The following SMC6 variants were observed in gnomAD, a reference collection of about 807,000 sequenced individuals.
SMC6 encodes structural maintenance of chromosomes protein 6.
SMC6 carries 79 observed loss-of-function variants against 142.2 expected under a neutral mutation model. The ratio of observed to expected loss-of-function variants is 0.56; its 90% CI spans 0.46 to 0.67. SMC6 has a LOEUF of 0.67. Among genes scored for constraint, SMC6 ranks in the 30% least tolerant of loss-of-function variants. The pLI, the probability that SMC6 is intolerant of heterozygous loss-of-function variation, is 0.00. For synonymous variants in SMC6, 411 were observed against 412.4 expected, an observed-to-expected ratio of 1.00 and a Z score of 0.04; for missense variants, 1,072 against 1,284.0, an observed-to-expected ratio of 0.83 and a Z score of 2.52.
intron 26 of SMC6, among the ~76,000 whole-genome samples, chr2:17,668,643 A>G (rs1666614345): frequency 6.6e-6 from 1 of 152,192 alleles, no homozygotes; most frequent in African/African-American, 2.4e-5. Context: ...AAGTTCTGAG[A>G]AGTTCCTCAT....
intron 5 of SMC6, among the ~76,000 whole-genome samples, chr2:17,732,865 G>A (rs1302981907): frequency 1.3e-5 from 2 of 151,918 alleles, no homozygotes; most frequent in African/African-American, 2.4e-5. Flanking sequence ...AAGTTTTAAA[G>A]ATGTTTTAGG....
At chr2:17,691,233 TACACACACACAC>T (rs138226968) in intron 23 of SMC6, among the ~76,000 whole-genome samples, 34 of 123,278 alleles carry the variant, frequency 2.8e-4, no homozygotes, top group African/African-American at 9.5e-4. Context: ...AAAATGTGTA[TACACACACACAC>T]ACACACACAC....
At chr2:17,731,701 C>T in intron 6 of SMC6, 40 bp downstream of exon 6, 1 of 1,578,086 alleles carries the variant, frequency 6.3e-7, no homozygotes, top group Non-Finnish European at 8.7e-7. Flanking sequence ...TGAGTATTTC[C>T]TAATATTTTA....
At position 17,707,480 on chromosome 2, in the gene SMC6, T is replaced by A. The variant is rs1459476628; in HGVS notation, c.1846-101A>T. The A allele has an allele frequency of 9.6e-6, 6 of 623,390 alleles. No homozygotes were observed. The African/African-American group carries it at 1.1e-4, about 12-fold the overall frequency. 38.6% of individuals were successfully genotyped at this position (623,390 alleles called of 1,614,324 possible). ...CTCGTCCTTATTATTTTAATATGAT[T>A]CAAGTATTCTTTTTAAAACATTCAA... On this transcript the variant is annotated intron_variant, in intron 17 of 27. Transcript: ENST00000448223.
chr2:17,674,407 T>G (rs1213391590), intron 25 of SMC6, among the ~76,000 whole-genome samples: 2 of 152,218 alleles, frequency 1.3e-5, no homozygotes, highest in Admixed American at 6.5e-5. Context: ...TTACAATATA[T>G]TCTGTATGAC....
At position 17,718,207 on chromosome 2, in the gene SMC6, G is replaced by A. The variant is rs1486275118; in HGVS notation, c.962C>T (p.Ala321Val). 1.3e-6 allele frequency: 2 copies of A among 1,599,412 alleles called. No individual in the cohort carries two copies. The highest frequency in any genetic ancestry group is 1.3e-5 in the African/African-American group (1 of 74,580). Residue 321 changes from alanine (A) to valine (V), a missense_variant, in exon 12 of 28, where the codon GCA (alanine) becomes GTA (valine). Around this residue, in one of 3 missense-constraint regions of SMC6, gnomAD observed 994 missense variants for 1,153.2 expected, o/e 0.86. Coordinates refer to ENST00000448223, the MANE Select transcript of SMC6 (RefSeq NM_001142286.2). Reference sequence around the variant, plus strand: ...TTGAATATCCTTGTACTTTTGTTCTGCCTCATTAAGTCTGACCTTTAAGAA... The same window carrying A: ...TTGAATATCCTTGTACTTTTGTTCTACCTCATTAAGTCTGACCTTTAAGAA... ...MEEQQVRLNEAEQKYKDIQDK... is the reference protein window; with the variant it reads ...MEEQQVRLNEVEQKYKDIQDK...
chr2:17,728,337 A>G (rs1669733990), intron 7 of SMC6, among the ~76,000 whole-genome samples: 1 of 152,162 alleles, frequency 6.6e-6, no homozygotes, highest in Admixed American at 6.5e-5. Context: ...CAGGAGGCTG[A>G]GGTGGAGGAT....
chr2:17,691,257 C>CAA (rs1446969295), intron 23 of SMC6, among the ~76,000 whole-genome samples: 1 of 140,224 alleles, frequency 7.1e-6, no homozygotes, highest in East Asian at 2.3e-4. Flanking sequence ...CACACACACA[C>CAA]ACACCAGAAT....
At chr2:17,705,628 T>C (rs1668471110) in intron 18 of SMC6, among the ~76,000 whole-genome samples, 1 of 152,116 alleles carries the variant, frequency 6.6e-6, no homozygotes, top group Non-Finnish European at 1.5e-5. Context: ...AAGCCAAAAA[T>C]GAAAACCAAC....
intron 27 of SMC6, among the ~76,000 whole-genome samples, chr2:17,666,077 G>C (rs1666482657): frequency 6.6e-6 from 1 of 152,170 alleles, no homozygotes; most frequent in South Asian, 2.1e-4. Flanking sequence ...ACATTTGTAA[G>C]TCACCAAGAG....
intron 24 of SMC6, among the ~76,000 whole-genome samples, chr2:17,682,371 C>A (rs1667273637): frequency 6.6e-6 from 1 of 152,178 alleles, no homozygotes; most frequent in Non-Finnish European, 1.5e-5. Context: ...CAATGCCCCA[C>A]ACTGCTCTTC....
intron 2 of SMC6, among the ~76,000 whole-genome samples, chr2:17,747,151 C>T (rs1005826598): frequency 6.6e-6 from 1 of 152,142 alleles, no homozygotes; most frequent in Non-Finnish European, 1.5e-5. Context: ...TCCACCCATA[C>T]AGGAAGTAAT....
In SMC6 at chr2:17,703,159, T is replaced by G; in HGVS notation, c.2140A>C (p.Lys714Gln). The change falls in exon 19 of 28, where the codon AAG becomes CAG. Residue 714 changes from lysine to glutamine, a missense_variant and splice_region_variant. Lys to Gln is a moderately conservative substitution (Grantham distance 53). This residue lies in a region of SMC6 where 994 missense variants were observed against 1,153.2 expected (regional missense o/e 0.86). Transcript: ENST00000448223. ...GTTTATTATTATTATTTTTTTACCT[T>G]TAGTTCTTTATAATGTAGTTGGCAC... ...KRCQLHYKEL[K>Q]MKIRKNISEI... 1 of 1,399,884 alleles carries G rather than the reference T, an allele frequency of 7.1e-7. No homozygotes were observed. The highest frequency in any genetic ancestry group is 9.8e-7 in the Non-Finnish European group (1 of 1,015,526). The allele number at this position is 1,399,884 out of a possible 1,614,324, so 86.7% of individuals were successfully genotyped here.
rs1480650779 is a variant in SMC6 at position 17,745,831 on chromosome 2, G to A, written c.116C>T (p.Thr39Ile). The change falls in exon 3 of 28, where the codon ACT becomes ATT. Residue 39 changes from threonine to isoleucine, a missense_variant. Thr to Ile is a moderately conservative substitution (Grantham distance 89). Around this residue, in one of 3 missense-constraint regions of SMC6, gnomAD observed 994 missense variants for 1,153.2 expected, o/e 0.86. Coordinates refer to ENST00000448223, the MANE Select transcript of SMC6 (RefSeq NM_001142286.2). ...DGDEDECKGT[T>I]LTAAEVGIIE... ...ATTTTGTAATTTTTCGCTTACCAAA[G>A]TAGTACCTTTACATTCGTCTTCGTC... 3.7e-6 allele frequency: 6 copies of A among 1,608,018 alleles called. No homozygotes were observed.
chr2:17,715,114 A>G (rs750073065), intron 15 of SMC6, 49 bp from the exon 16 acceptor site: 1 of 1,531,936 alleles, frequency 6.5e-7, no homozygotes, highest in African/African-American at 1.4e-5. Context: ...CTTATTTTGA[A>G]ATATTAACAT....
intron 5 of SMC6, among the ~76,000 whole-genome samples, chr2:17,732,924 T>C (rs543477976): frequency 1.1e-3 from 166 of 151,950 alleles, no homozygotes; most frequent in African/African-American, 4.0e-3. Flanking sequence ...AAAAAAAAAA[T>C]CTTTATTTGT....
rs1421005929 is a variant in SMC6, at chr2:17,678,859, T to C, written c.2910A>G (p.Ser970=). 1 of 1,572,406 alleles carries C rather than the reference T, an allele frequency of 6.4e-7. No individual in the cohort carries two copies. The highest frequency in any genetic ancestry group is 1.7e-5 in the Admixed American group (1 of 58,574). ...GGATGAAAAGAATTAGGATACTTAC[T>C]GATATACTTAGAGTTTCATTCTTGT... ...FDHKNETLSI[S]VQPGEGNKAA... Residue 970 remains serine, a splice_region_variant and synonymous_variant, in exon 25 of 28, where the codon TCA becomes TCG. Coordinates refer to ENST00000448223, the MANE Select transcript of SMC6 (RefSeq NM_001142286.2).
chr2:17,698,866 T>C (rs972654221), intron 21 of SMC6, among the ~76,000 whole-genome samples: 2 of 152,112 alleles, frequency 1.3e-5, no homozygotes, highest in African/African-American at 2.4e-5. Flanking sequence ...GTAGCTGCTG[T>C]AGGTATTACA....
intron 2 of SMC6, among the ~76,000 whole-genome samples, chr2:17,747,489 CTTT>C (rs200620327): frequency 1.8e-4 from 26 of 142,766 alleles, no homozygotes; most frequent in African/African-American, 6.4e-4. Context: ...AACTAAACAA[CTTT>C]TTTTCTTTTT....
Sources: gnomAD v4.1 joint callset for allele counts (sites outside exome capture counted in the v4.1 genomes callset) on GRCh38, gnomAD v4.1.1 for gene constraint, gnomAD v4.1.1 regional missense constraint, MANE v1.5 for transcripts, NCBI Gene and HGNC (gene_info 2026-07-23, HGNC 2026-07-21) for gene names.